The following PCDH7 variants were observed in gnomAD, a reference collection of about 807,000 sequenced individuals.
PCDH7 encodes the protein protocadherin 7, also known as protocadherin-7.
Under a neutral mutation model 58.9 loss-of-function variants are expected in PCDH7, and 17 were observed. That is an observed-to-expected ratio of 0.29 (90% CI 0.20 to 0.43). The LOEUF (loss-of-function observed/expected upper bound fraction) is 0.43. Ranked by LOEUF, PCDH7 falls within the 20% of genes least tolerant of loss-of-function variation. PCDH7 has a pLI of 1.00. For missense variants in PCDH7, 1,274 were observed against 1,441.0 expected, an observed-to-expected ratio of 0.88 and a Z score of 1.88; for synonymous variants, 664 against 616.4, an observed-to-expected ratio of 1.08 and a Z score of -1.14.
chr4:31,053,405 A>AGG (rs1756912312), intron 3 of PCDH7, among the ~76,000 whole-genome samples: 2 of 151,746 alleles, frequency 1.3e-5, no homozygotes, highest in Non-Finnish European at 2.9e-5. Context: ...TCATCCTTCC[A>AGG]TCGAGGCCAC....
chr4:31,085,072 T>A (rs536419497), intron 3 of PCDH7, among the ~76,000 whole-genome samples: 23 of 152,244 alleles, frequency 1.5e-4, no homozygotes, highest in Non-Finnish European at 2.8e-4. Context: ...TGGAGTTTTA[T>A]TATTACTCAA....
At chr4:30,857,428 G>C (rs577955364) in intron 1 of PCDH7, among the ~76,000 whole-genome samples, 1 of 152,082 alleles carries the variant, frequency 6.6e-6, no homozygotes, top group Non-Finnish European at 1.5e-5. Context: ...GTTTCAGCAA[G>C]TTAACTTTTA....
At chr4:30,804,274 C>G (rs939302283) in intron 1 of PCDH7, among the ~76,000 whole-genome samples, 8 of 152,162 alleles carry the variant, frequency 5.3e-5, no homozygotes, top group Non-Finnish European at 1.0e-4. Flanking sequence ...GGCACGGTGG[C>G]TCATGCCTGT....
At chr4:30,799,506 T>C (rs1387061189) in intron 1 of PCDH7, among the ~76,000 whole-genome samples, 1 of 152,208 alleles carries the variant, frequency 6.6e-6, no homozygotes. Context: ...GCCTGGATTA[T>C]GCTATATCAT....
At chr4:30,982,617 A>T (rs1382333175) in intron 3 of PCDH7, among the ~76,000 whole-genome samples, 1 of 152,192 alleles carries the variant, frequency 6.6e-6, no homozygotes, top group Admixed American at 6.5e-5. Flanking sequence ...AATAATTAAC[A>T]AAACAACTCT....
At chr4:30,950,369 A>G (rs1747231096) in intron 3 of PCDH7, among the ~76,000 whole-genome samples, 1 of 152,178 alleles carries the variant, frequency 6.6e-6, no homozygotes, top group South Asian at 2.1e-4. Flanking sequence ...TCACCGTGTT[A>G]TGTATTACCT....
At chr4:30,904,588 G>A (rs1240969353) in intron 1 of PCDH7, among the ~76,000 whole-genome samples, 1 of 152,066 alleles carries the variant, frequency 6.6e-6, no homozygotes, top group Non-Finnish European at 1.5e-5. Flanking sequence ...ATTAAGACTT[G>A]GACCTTGTTG....
intron 2 of PCDH7, among the ~76,000 whole-genome samples, chr4:30,943,991 G>A (rs887986068): frequency 2.0e-5 from 3 of 152,158 alleles, no homozygotes; most frequent in Non-Finnish European, 4.4e-5. Context: ...TGTGGCCTCC[G>A]TGAGGGCAGG....
chr4:31,110,370 A>G (rs1033755393), intron 3 of PCDH7, among the ~76,000 whole-genome samples: 1 of 152,224 alleles, frequency 6.6e-6, no homozygotes, highest in Non-Finnish European at 1.5e-5. Context: ...AATTGTGTTC[A>G]TGATTTGCTA....
At chr4:30,961,160 T>C (rs1748381300) in intron 3 of PCDH7, among the ~76,000 whole-genome samples, 1 of 152,112 alleles carries the variant, frequency 6.6e-6, no homozygotes, top group Non-Finnish European at 1.5e-5. Context: ...GTGCTTATTA[T>C]ATTCTTAATA....
At chr4:30,944,299 T>A (rs540158962) in intron 2 of PCDH7, among the ~76,000 whole-genome samples, 3 of 152,224 alleles carry the variant, frequency 2.0e-5, no homozygotes, top group Admixed American at 6.6e-5. Flanking sequence ...TCACTTTTTT[T>A]AAATATAGTA....
At chr4:30,796,764 T>G (rs182933218) in intron 1 of PCDH7, among the ~76,000 whole-genome samples, 154 of 152,288 alleles carry the variant, frequency 1.0e-3, no homozygotes, top group Non-Finnish European at 1.7e-3. Context: ...TACTTTCTGT[T>G]CTTCTTCTAG....
intron 1 of PCDH7, among the ~76,000 whole-genome samples, chr4:30,910,468 C>T (rs116110354): frequency 0.028 from 4,216 of 152,014 alleles, 189 homozygotes; most frequent in African/African-American, 0.093. Context: ...AACAAATTTA[C>T]GAGAAAATGC....
intron 1 of PCDH7, among the ~76,000 whole-genome samples, chr4:30,861,465 C>T (rs1470431473): frequency 1.3e-5 from 2 of 152,108 alleles, no homozygotes; most frequent in Non-Finnish European, 2.9e-5. Context: ...AACACAATAA[C>T]AAAGAAATGA....
At chr4:31,109,597 A>G (rs1047387039) in intron 3 of PCDH7, among the ~76,000 whole-genome samples, 8 of 152,208 alleles carry the variant, frequency 5.3e-5, no homozygotes, top group Non-Finnish European at 1.2e-4. Context: ...TTTATTTTAT[A>G]ATATACAGAG....
chr4:30,991,138 T>C (rs4583721), intron 3 of PCDH7, among the ~76,000 whole-genome samples: 106,269 of 151,988 alleles, frequency 0.7, 37,567 homozygotes, highest in African/African-American at 0.8. Flanking sequence ...TTTTAAAACT[T>C]GTTCTCTTCC....
At chr4:30,904,087 G>C (rs1214850250) in intron 1 of PCDH7, among the ~76,000 whole-genome samples, 1 of 152,108 alleles carries the variant, frequency 6.6e-6, no homozygotes. Flanking sequence ...TCTTTCATAA[G>C]TATGAAACCC....
intron 1 of PCDH7, among the ~76,000 whole-genome samples, chr4:30,836,018 T>C (rs897008899): frequency 1.5e-4 from 23 of 152,314 alleles, no homozygotes; most frequent in African/African-American, 5.1e-4. Flanking sequence ...GTGATTCAGA[T>C]ACTTGTTGGA....
At chr4:30,890,254 A>C (rs549863004) in intron 1 of PCDH7, among the ~76,000 whole-genome samples, 1 of 152,234 alleles carries the variant, frequency 6.6e-6, no homozygotes, top group African/African-American at 2.4e-5. Flanking sequence ...TGTAATTTGC[A>C]TGCCAAGTGT....
Sources: gnomAD v4.1 joint callset for allele counts (sites outside exome capture counted in the v4.1 genomes callset) on GRCh38, gnomAD v4.1.1 for gene constraint, MANE v1.5 for transcripts, NCBI Gene and HGNC (gene_info 2026-07-23, HGNC 2026-07-21) for gene names.